Variants in DST observed in about 807,000 individuals in gnomAD.
DST encodes bullous pemphigoid antigen.
DST carries 253 observed loss-of-function variants against 875.2 expected under a neutral mutation model. The ratio of observed to expected loss-of-function variants is 0.29; its 90% CI spans 0.26 to 0.32. The LOEUF is 0.32. Among genes scored for constraint, DST ranks in the 10% least tolerant of loss-of-function variants. DST has a pLI of 1.00. For synonymous variants in DST, 3,124 were observed against 3,197.1 expected (o/e 0.98, Z 0.77); for missense variants, 8,287 against 9,111.6 (o/e 0.91, Z 3.68).
chr6:56,872,597 A>G (rs1318255352), intron 3 of DST, among the ~76,000 whole-genome samples: 2 of 152,202 alleles, frequency 1.3e-5, no homozygotes, highest in African/African-American at 4.8e-5. Flanking sequence ...CTCTGTGAAC[A>G]GGGAAACAAG....
chr6:56,514,645 C>A (rs188945601), intron 72 of DST, among the ~76,000 whole-genome samples: 87 of 149,396 alleles, frequency 5.8e-4, no homozygotes, highest in South Asian at 1.1e-3. Context: ...ACATGCACAC[C>A]ATGATTAGTC....
At chr6:56,549,505 T>A (rs1399053005) in intron 61 of DST, among the ~76,000 whole-genome samples, 4 of 152,132 alleles carry the variant, frequency 2.6e-5, no homozygotes, top group Non-Finnish European at 2.9e-5. Context: ...TGTAAACAAG[T>A]CAATTTACTA....
chr6:56,804,669 C>T (rs988522006), intron 4 of DST, among the ~76,000 whole-genome samples: 4 of 152,088 alleles, frequency 2.6e-5, no homozygotes, highest in Admixed American at 6.6e-5. Context: ...AGGAAATGAA[C>T]ATAACTGTAT....
At chr6:56,616,703 A>T (rs367882420) in intron 36 of DST, 1 of 1,614,182 alleles carries the variant, frequency 6.2e-7, no homozygotes, top group Admixed American at 1.7e-5. Flanking sequence ...CACAGGGTCA[A>T]TGACACCCCC....
chr6:56,606,978 A>C lies in DST; in HGVS notation c.7650T>G (p.Asp2550Glu). 1 of 1,613,490 alleles carries C rather than the reference A, an allele frequency of 6.2e-7. No individual in the cohort carries two copies. The highest frequency in any genetic ancestry group is 8.5e-7 in the Non-Finnish European group (1 of 1,179,606). Residue 2550 changes from aspartate to glutamate, a missense_variant, in exon 40 of 104, where the codon GAT becomes GAG. Around this residue, in one of 10 missense-constraint regions of DST, gnomAD observed 3,138 missense variants for 3,116.6 expected, o/e 1.01. Transcript: ENST00000680361. Reference protein sequence around the residue: ...GFQQMPEDKEDESEIEEYSCA... With the variant: ...GFQQMPEDKEEESEIEEYSCA... ...AGGAATACTCTTCTATTTCAGACTC[A>C]TCTTCCTTGTCTTCAGGCATCTGCT...
In DST at chr6:56,530,151, G is replaced by A. The variant is rs768936147; in HGVS notation, c.17109-18C>T. 5.4e-5 allele frequency: 83 copies of A among 1,542,898 alleles called. No individual in the cohort carries two copies. The highest frequency in any genetic ancestry group is 7.1e-5 in the Non-Finnish European group (82 of 1,147,800). On this transcript the variant is annotated intron_variant, in intron 64 of 103. Transcript: ENST00000680361. The stretch of plus-strand genomic sequence containing the variant: ...GACGATTCCTACAAATGTGCCAAAA[G>A]GTCATTTAGGGATGAAGAATGTGTG...
At position 56,593,993 on chromosome 6, in the gene DST, CAG is replaced by C. The variant is rs772813351; in HGVS notation, c.12394_12395del (p.Leu4132AlafsTer8). On this transcript the variant is annotated frameshift_variant, in exon 48 of 104. Transcript: ENST00000680361. LOFTEE classifies it high-confidence loss of function. ...CATCAAACTTTTCTAATTCTTCCTG[CAG>C]AGAGTGAGTTAACTTCATTTTCTTC... ...SEKKMKLTHS[L>X]QEELEKFDAD... The C allele has an allele frequency of 6.2e-7, 1 of 1,613,878 alleles. No homozygotes were observed. Among genetic ancestry groups the C allele is most frequent in the South Asian group, 1.1e-5 (1 of 91,072 alleles).
In DST at chr6:56,535,111, G is replaced by A; in HGVS notation, c.16941+11C>T. 6.2e-7 allele frequency: 1 copy of A among 1,610,960 alleles called. No homozygotes were observed. The highest frequency in any genetic ancestry group is 1.3e-5 in the African/African-American group (1 of 74,828). On this transcript the variant is annotated intron_variant, in intron 63 of 103. Transcript: ENST00000680361. ...AATATGAAACGCAATACAAAAGCAT[G>A]ACTAACTTACCTTTTGTTCTTGTAT...
chr6:56,849,037 T>C (rs1274263792), intron 4 of DST, among the ~76,000 whole-genome samples: 2 of 151,816 alleles, frequency 1.3e-5, no homozygotes, highest in African/African-American at 4.8e-5. Context: ...AGAATCTGTC[T>C]CAAAATAAAT....
chr6:56,782,188 T>G (rs2099695487), intron 4 of DST, among the ~76,000 whole-genome samples: 1 of 152,212 alleles, frequency 6.6e-6, no homozygotes, highest in South Asian at 2.1e-4. Context: ...AATTCTCTTT[T>G]TTGGTTGTGT....
At position 56,641,966 on chromosome 6, in the gene DST, C is replaced by T. The variant is rs2098910107; in HGVS notation, c.2008G>A (p.Ala670Thr). 1.2e-6 allele frequency: 2 copies of T among 1,613,268 alleles called. No homozygotes were observed. Among genetic ancestry groups the T allele is most frequent in the South Asian group, 1.1e-5 (1 of 90,956 alleles). ...QILIDGKYYQADQLVQRVAKL... is the reference protein window; with the variant it reads ...QILIDGKYYQTDQLVQRVAKL... ...TCTTACCTCTGTACCAATTGATCTG[C>T]CTGGTAGTATTTTCCATCAATAAGA... The change falls in exon 17 of 104, where the codon GCA becomes ACA. Residue 670 changes from alanine (A) to threonine (T), a missense_variant. Physicochemically the swap from Ala to Thr is moderately conservative, Grantham distance 58 (BLOSUM62 0). Around this residue, in one of 10 missense-constraint regions of DST, gnomAD observed 1,160 missense variants for 1,424.3 expected, o/e 0.81. Transcript: ENST00000680361.
chr6:56,575,048 G>C (rs1230122194), intron 50 of DST, among the ~76,000 whole-genome samples: 1 of 152,134 alleles, frequency 6.6e-6, no homozygotes, highest in Non-Finnish European at 1.5e-5. Flanking sequence ...ATGATTTAAA[G>C]AGAAAATCAT....
chr6:56,606,955 G>A lies in DST; in HGVS notation c.7673C>T (p.Ser2558Phe). Residue 2558 changes from serine (S) to phenylalanine (F), a missense_variant, in exon 40 of 104, where the codon TCC (serine) becomes TTC (phenylalanine). Ser to Phe is a radical substitution (Grantham distance 155). Around this residue, in one of 10 missense-constraint regions of DST, gnomAD observed 3,138 missense variants for 3,116.6 expected, o/e 1.01. Transcript: ENST00000680361. ...KEDESEIEEY[S>F]CAVTPGGDTD... ...ATCACCCCCTGGAGTCACAGCACAG[G>A]AATACTCTTCTATTTCAGACTCATC... The A allele has an allele frequency of 1.2e-6, 2 of 1,613,406 alleles. No homozygotes were observed. Among genetic ancestry groups the A allele is most frequent in the Non-Finnish European group, 1.7e-6 (2 of 1,179,592 alleles).
At chr6:56,473,775 TA>T in intron 93 of DST, 97 bp downstream of exon 93, 1 of 1,202,588 alleles carries the variant, frequency 8.3e-7, no homozygotes, top group Non-Finnish European at 1.2e-6. Flanking sequence ...AGTGCTCATG[TA>T]AAATCACCAA....
Position 56,721,148 on chromosome 6 carries a change from GC to G in DST, c.687+14079del, listed in dbSNP as rs1390145956. On this transcript the variant is annotated intron_variant, in intron 5 of 103. Transcript: ENST00000680361. The stretch of plus-strand genomic sequence containing the variant: ...ACAGGGCAGCTGCTGGGCAGGGGCG[GC>G]CCCCCCCACCTCCCAGATGGGGCGG... Among the ~76,000 whole-genome samples the G allele has an allele frequency of 8.2e-5, 12 of 147,230 alleles. No individual in the cohort carries two copies. The East Asian group carries it at 1.2e-3, about 15-fold the overall frequency.
chr6:56,832,567 T>C (rs950674202), intron 4 of DST, among the ~76,000 whole-genome samples: 2 of 151,562 alleles, frequency 1.3e-5, no homozygotes, highest in Non-Finnish European at 2.9e-5. Flanking sequence ...GGTATGTCTT[T>C]ATCAGCAGTA....
chr6:56,488,659 T>C (rs572110679), intron 86 of DST, among the ~76,000 whole-genome samples: 1 of 152,306 alleles, frequency 6.6e-6, no homozygotes, highest in African/African-American at 2.4e-5. Flanking sequence ...AAATTTTATA[T>C]CACCCCAATT....
At chr6:56,540,800 T>C (rs957353070) in intron 61 of DST, 1 of 152,644 alleles carries the variant, frequency 6.6e-6, no homozygotes, top group Non-Finnish European at 1.5e-5. Context: ...AGAAACATCA[T>C]GTAAAATCAT....
intron 4 of DST, among the ~76,000 whole-genome samples, chr6:56,845,375 T>TG (rs1232804629): frequency 3.3e-5 from 5 of 151,722 alleles, no homozygotes; most frequent in African/African-American, 1.2e-4. Context: ...TGTGTACTCG[T>TG]GGGAAAAAAA....
Sources: allele counts gnomAD v4.1 joint callset (sites outside exome capture counted in the v4.1 genomes callset), GRCh38; gene constraint gnomAD v4.1.1; regional missense constraint gnomAD v4.1.1; transcripts MANE v1.5; gene names NCBI Gene and HGNC (gene_info 2026-07-23, HGNC 2026-07-21).